ADAMTS17: variants seen among roughly 807,000 people sequenced by gnomAD.
The protein encoded by ADAMTS17 is A disintegrin and metalloproteinase with thrombospondin motifs 17.
Under a neutral mutation model 141.5 loss-of-function variants are expected in ADAMTS17, and 113 were observed. The ratio of observed to expected loss-of-function variants is 0.80; its 90% CI spans 0.69 to 0.93. The LOEUF (loss-of-function observed/expected upper bound fraction) is 0.93, where lower values mean the gene tolerates loss of function less well. Ranked by LOEUF, ADAMTS17 falls within the 40% of genes least tolerant of loss-of-function variation. The probability of loss-of-function intolerance (pLI) is 0.00; values close to 1 mark genes in which losing one functional copy is unlikely to be tolerated. For missense variants in ADAMTS17, 1,659 were observed against 1,517.9 expected (o/e 1.09, Z -1.54); for synonymous variants, 768 against 630.6 (o/e 1.22, Z -3.27).
chr15:100,243,799 AAAAAG>A (rs1474053021), intron 7 of ADAMTS17, among the ~76,000 whole-genome samples: 58 of 87,794 alleles, frequency 6.6e-4, no homozygotes, highest in African/African-American at 2.3e-3. Flanking sequence ...TAAAAAAAAA[AAAAAG>A]AAAGAAAAGA....
chr15:100,149,428 C>A (rs967225723), intron 10 of ADAMTS17, among the ~76,000 whole-genome samples: 1 of 152,226 alleles, frequency 6.6e-6, no homozygotes, highest in Non-Finnish European at 1.5e-5. Context: ...ACAACCTTTT[C>A]CACCAGTTTT....
chr15:100,023,976 C>T (rs2727114), intron 18 of ADAMTS17, among the ~76,000 whole-genome samples: 16,369 of 152,232 alleles, frequency 0.11, 2,322 homozygotes, highest in African/African-American at 0.33. Flanking sequence ...CCTAGTCTTT[C>T]TTCCTAAACA....
At chr15:100,007,544 C>G (rs1368268216) in intron 18 of ADAMTS17, among the ~76,000 whole-genome samples, 2 of 152,048 alleles carry the variant, frequency 1.3e-5, no homozygotes, top group African/African-American at 4.8e-5. Context: ...CCTCAGCCTC[C>G]CTGGTTGGAA....
chr15:100,301,493 T>G (rs2045035546), intron 3 of ADAMTS17, among the ~76,000 whole-genome samples: 2 of 112,956 alleles, frequency 1.8e-5, no homozygotes, highest in African/African-American at 8.2e-5. Context: ...CCGGGCTAAT[T>G]TTTTTTTTTT....
At chr15:100,054,203 T>G (rs1394816096) in intron 15 of ADAMTS17, 149 bp from the exon 16 acceptor site, 4 of 887,360 alleles carry the variant, frequency 4.5e-6, no homozygotes, top group Non-Finnish European at 7.3e-6. Context: ...AGAAGGCGAG[T>G]GCTCTGTATA....
intron 7 of ADAMTS17, among the ~76,000 whole-genome samples, chr15:100,223,366 A>G (rs1011204824): frequency 1.1e-4 from 17 of 152,204 alleles, no homozygotes; most frequent in Admixed American, 1.0e-3. Flanking sequence ...TAATAAGAAA[A>G]TATTAAACAA....
intron 4 of ADAMTS17, among the ~76,000 whole-genome samples, chr15:100,279,265 TC>T (rs1435464016): frequency 6.6e-6 from 1 of 152,196 alleles, no homozygotes; most frequent in Non-Finnish European, 1.5e-5. Context: ...GGGCTTCATG[TC>T]AGAGCCAACT....
At chr15:100,147,112 T>C (rs2038944695) in intron 10 of ADAMTS17, among the ~76,000 whole-genome samples, 1 of 152,132 alleles carries the variant, frequency 6.6e-6, no homozygotes, top group Non-Finnish European at 1.5e-5. Context: ...CCCTCCCCTT[T>C]TGAAAATCCC....
At chr15:100,302,362 C>T (rs926546181) in intron 3 of ADAMTS17, among the ~76,000 whole-genome samples, 18 of 152,158 alleles carry the variant, frequency 1.2e-4, no homozygotes, top group Admixed American at 6.5e-5. Flanking sequence ...AACAATGCTG[C>T]TATGGACGTT....
At chr15:100,034,089 T>C (rs2246800) in intron 18 of ADAMTS17, among the ~76,000 whole-genome samples, 29,637 of 152,278 alleles carry the variant, frequency 0.19, 8,378 homozygotes, top group African/African-American at 0.63. Flanking sequence ...TATAGGGTCC[T>C]CCAAGCCCTT....
Position 100,192,624 on chromosome 15 carries a change from T to A in ADAMTS17, c.1181+6694A>T, listed in dbSNP as rs1241705527. On this transcript the variant is annotated intron_variant, in intron 8 of 21. Transcript: ENST00000268070. ...TTGAGGCAAGAGCAGCCACCACCCA[T>A]GACTGTCTGCTGGTGGGTTGCCTGC... 3.3e-5 allele frequency among the ~76,000 whole-genome samples: 5 copies of A among 152,188 alleles called. 1 individual carries two copies. Among genetic ancestry groups the A allele is most frequent in the Admixed American group, 2.6e-4 (4 of 15,290 alleles).
At chr15:100,193,194 G>C (rs1480130128) in intron 8 of ADAMTS17, among the ~76,000 whole-genome samples, 1 of 152,232 alleles carries the variant, frequency 6.6e-6, no homozygotes, top group Non-Finnish European at 1.5e-5. Context: ...GCTTCTGCCC[G>C]GCCCATTATT....
At chr15:100,089,941 C>T (rs1199351229) in intron 15 of ADAMTS17, among the ~76,000 whole-genome samples, 4 of 150,540 alleles carry the variant, frequency 2.7e-5, no homozygotes, top group African/African-American at 9.8e-5. Context: ...ATGTAACAAA[C>T]CTGCCTGTTG....
rs141578408 is a variant in ADAMTS17 at position 100,271,504 on chromosome 15, T to C, written c.790-9069A>G. On this transcript the variant is annotated intron_variant, in intron 4 of 21. Coordinates refer to ENST00000268070, the MANE Select transcript of ADAMTS17 (RefSeq NM_139057.4). ...CCCTGATGATTGATGCCAAGTATCT[T>C]TCCATGTACTTATTGGCTATTTGTA... 4.5e-3 allele frequency among the ~76,000 whole-genome samples: 693 copies of C among 152,358 alleles called. 6 individuals carry two copies. Among genetic ancestry groups the C allele is most frequent in the African/African-American group, 0.016 (663 of 41,584 alleles).
At chr15:100,145,681 G>C (rs984456872) in intron 10 of ADAMTS17, among the ~76,000 whole-genome samples, 2 of 152,204 alleles carry the variant, frequency 1.3e-5, no homozygotes, top group African/African-American at 4.8e-5. Context: ...TAATAGAATG[G>C]AGTATAAATG....
intron 10 of ADAMTS17, among the ~76,000 whole-genome samples, chr15:100,143,029 G>A (rs1395835845): frequency 6.6e-6 from 1 of 152,224 alleles, no homozygotes; most frequent in Non-Finnish European, 1.5e-5. Flanking sequence ...GGGCTTTGGA[G>A]CCACGATGGT....
Position 100,148,686 on chromosome 15 carries a change from T to C in ADAMTS17, c.1473+3926A>G, listed in dbSNP as rs571251859. On this transcript the variant is annotated intron_variant, in intron 10 of 21. Coordinates refer to ENST00000268070, the MANE Select transcript of ADAMTS17 (RefSeq NM_139057.4). Reference sequence around the variant, plus strand: ...TTTTCACTACTTTCAAACAATTTCATTATATTGAGTATTTTTCTAGATTTC... The same window carrying C: ...TTTTCACTACTTTCAAACAATTTCACTATATTGAGTATTTTTCTAGATTTC... 2.8e-4 allele frequency among the ~76,000 whole-genome samples: 43 copies of C among 152,254 alleles called. No homozygotes were observed. In the East Asian group the frequency reaches 8.1e-3, roughly 29 times the overall value.
At chr15:100,129,574 T>A (rs569971026) in intron 12 of ADAMTS17, 2 of 152,188 alleles carry the variant, frequency 1.3e-5, no homozygotes, top group African/African-American at 4.8e-5. Context: ...AGAAACCCCA[T>A]CTCTACTAAA....
chr15:100,108,711 T>A (rs2036557929), intron 14 of ADAMTS17, among the ~76,000 whole-genome samples: 1 of 152,178 alleles, frequency 6.6e-6, no homozygotes, highest in Admixed American at 6.5e-5. Flanking sequence ...CCTACCTTCG[T>A]CTTGGTCATG....
Sources: allele counts gnomAD v4.1 joint callset (sites outside exome capture counted in the v4.1 genomes callset), GRCh38; gene constraint gnomAD v4.1.1; transcripts MANE v1.5; gene names NCBI Gene and HGNC (gene_info 2026-07-23, HGNC 2026-07-21).